OPCML: variants seen among roughly 807,000 people sequenced by gnomAD.
OPCML encodes the protein opioid-binding protein/cell adhesion molecule.
OPCML carries 13 observed loss-of-function variants against 37.8 expected under a neutral mutation model. The ratio of observed to expected loss-of-function variants is 0.34; its 90% confidence interval spans 0.22 to 0.55. The LOEUF is 0.55. Ranked by LOEUF, OPCML falls within the 20% of genes least tolerant of loss-of-function variation. OPCML has a pLI of 0.91. For synonymous variants in OPCML, 176 were observed against 168.8 expected (o/e 1.04, Z -0.33); for missense variants, 341 against 435.6 (o/e 0.78, Z 1.93).
At chr11:132,767,716 C>G (rs989733853) in intron 2 of OPCML, among the ~76,000 whole-genome samples, 2 of 152,070 alleles carry the variant, frequency 1.3e-5, no homozygotes, top group African/African-American at 2.4e-5. Context: ...TACCTAAAAC[C>G]CTCACAAACT....
At chr11:132,517,134 A>G (rs936971860) in intron 4 of OPCML, among the ~76,000 whole-genome samples, 1 of 152,166 alleles carries the variant, frequency 6.6e-6, no homozygotes, top group Admixed American at 6.5e-5. Context: ...ATTATGTTCT[A>G]CTTGGCTCAG....
chr11:132,663,180 C>T (rs1415500126), intron 2 of OPCML, among the ~76,000 whole-genome samples: 7 of 152,146 alleles, frequency 4.6e-5, no homozygotes, highest in African/African-American at 7.2e-5. Flanking sequence ...TGTTAAACTA[C>T]GAATGTCACA....
intron 4 of OPCML, among the ~76,000 whole-genome samples, chr11:132,521,525 C>T (rs657147): frequency 0.39 from 59,650 of 151,764 alleles, 14,267 homozygotes; most frequent in Non-Finnish European, 0.54. Context: ...TCATTCTCAG[C>T]AAACTAACAC....
chr11:132,775,759 A>G lies in OPCML; in HGVS notation c.147-118440T>C, dbSNP rs1457066867. 2.6e-5 allele frequency among the ~76,000 whole-genome samples: 4 copies of G among 152,314 alleles called. No homozygotes were observed. The South Asian group carries it at 6.2e-4, about 24-fold the overall frequency. Reference sequence around the variant, plus strand: ...CAGCAGAGCTCCTCAGCCTCTTTCAAAGAATGCCAGCCCAAGGTTCCATCG... The same window carrying G: ...CAGCAGAGCTCCTCAGCCTCTTTCAGAGAATGCCAGCCCAAGGTTCCATCG... On this transcript the variant is annotated intron_variant, in intron 2 of 7. Coordinates refer to ENST00000524381, the MANE Select transcript of OPCML (RefSeq NM_001012393.5).
intron 3 of OPCML, among the ~76,000 whole-genome samples, chr11:132,564,684 G>T (rs2096418305): frequency 6.6e-6 from 1 of 152,120 alleles, no homozygotes; most frequent in South Asian, 2.1e-4. Context: ...TCCTAAGGGA[G>T]TGTTCCCCTG....
intron 2 of OPCML, among the ~76,000 whole-genome samples, chr11:132,673,043 T>C (rs909731377): frequency 1.5e-4 from 23 of 152,178 alleles, no homozygotes; most frequent in African/African-American, 5.1e-4. Flanking sequence ...TAACACCATT[T>C]GACCTGTTGA....
chr11:132,896,653 T>A (rs1408512659), intron 2 of OPCML, among the ~76,000 whole-genome samples: 1 of 152,216 alleles, frequency 6.6e-6, no homozygotes, highest in Non-Finnish European at 1.5e-5. Context: ...TATGTCACAA[T>A]CCAGTTTGCG....
chr11:133,029,799 A>T (rs1271715353), intron 1 of OPCML, among the ~76,000 whole-genome samples: 7 of 152,048 alleles, frequency 4.6e-5, no homozygotes, highest in African/African-American at 1.7e-4. Flanking sequence ...AAAAGCCCAA[A>T]CCTCAGCATC....
At chr11:132,959,853 C>T (rs1946055076) in intron 1 of OPCML, among the ~76,000 whole-genome samples, 1 of 152,196 alleles carries the variant, frequency 6.6e-6, no homozygotes, top group Non-Finnish European at 1.5e-5. Context: ...TCATCTCACA[C>T]ATAGTAATCT....
intron 3 of OPCML, among the ~76,000 whole-genome samples, chr11:132,570,755 G>GCATATATATA (rs2096435309): frequency 3.3e-5 from 1 of 30,102 alleles, no homozygotes; most frequent in Non-Finnish European, 6.3e-5. Context: ...AGGAAAGAGA[G>GCATATATATA]TATATATATA....
chr11:132,705,323 G>T (rs1784180), intron 2 of OPCML, among the ~76,000 whole-genome samples: 13,123 of 152,090 alleles, frequency 0.086, 654 homozygotes, highest in Non-Finnish European at 0.11. Flanking sequence ...GGGCACTGTG[G>T]TTCATGCCTG....
At chr11:132,638,601 A>T (rs1940667842) in intron 3 of OPCML, among the ~76,000 whole-genome samples, 1 of 152,144 alleles carries the variant, frequency 6.6e-6, no homozygotes, top group Admixed American at 6.5e-5. Context: ...TACACATAAC[A>T]TCACTATTGT....
chr11:132,735,503 T>C (rs1945223913), intron 2 of OPCML, among the ~76,000 whole-genome samples: 1 of 152,150 alleles, frequency 6.6e-6, no homozygotes, highest in South Asian at 2.1e-4. Context: ...GTTTTTTTTC[T>C]TGAGACAGAG....
intron 1 of OPCML, among the ~76,000 whole-genome samples, chr11:133,399,223 A>T (rs1945349462): frequency 6.6e-6 from 1 of 152,130 alleles, no homozygotes; most frequent in African/African-American, 2.4e-5. Context: ...TAACTTGTGA[A>T]TTTTTTTGGC....
intron 3 of OPCML, among the ~76,000 whole-genome samples, chr11:132,650,596 A>C (rs1389213701): frequency 2.0e-5 from 3 of 152,116 alleles, no homozygotes; most frequent in Admixed American, 1.3e-4. Context: ...ACACACATAC[A>C]CACACAAAAA....
At chr11:132,575,198 T>G (rs2096447520) in intron 3 of OPCML, among the ~76,000 whole-genome samples, 1 of 152,056 alleles carries the variant, frequency 6.6e-6, no homozygotes, top group East Asian at 1.9e-4. Flanking sequence ...TTTTTCTCTG[T>G]TCTTTTTAAA....
At chr11:133,167,346 T>C (rs1835725) in intron 1 of OPCML, among the ~76,000 whole-genome samples, 68,538 of 151,804 alleles carry the variant, frequency 0.45, 15,960 homozygotes, top group South Asian at 0.55. Context: ...TATGTGAAAC[T>C]GCAAGACCCA....
chr11:132,647,305 G>A (rs998034487), intron 3 of OPCML, among the ~76,000 whole-genome samples: 5 of 152,252 alleles, frequency 3.3e-5, no homozygotes, highest in Middle Eastern at 3.4e-3. Context: ...CCCACCCTCT[G>A]GGGTTAATTG....
intron 2 of OPCML, among the ~76,000 whole-genome samples, chr11:132,658,414 C>T (rs1941808434): frequency 6.6e-6 from 1 of 152,142 alleles, no homozygotes; most frequent in Non-Finnish European, 1.5e-5. Flanking sequence ...GATGGAAGGA[C>T]CCCAGAGACA....
Sources: gnomAD v4.1 joint callset for allele counts (sites outside exome capture counted in the v4.1 genomes callset) on GRCh38, gnomAD v4.1.1 for gene constraint, MANE v1.5 for transcripts, NCBI Gene and HGNC (gene_info 2026-07-23, HGNC 2026-07-21) for gene names.